PLA2R1: variants seen among roughly 807,000 people sequenced by gnomAD.
PLA2R1 encodes secretory phospholipase A2 receptor.
PLA2R1 carries 158 observed loss-of-function variants against 195.9 expected under a neutral mutation model. The observed-to-expected ratio is 0.81, with a 90% CI of 0.71 to 0.92. The LOEUF (loss-of-function observed/expected upper bound fraction) is 0.92. Among genes scored for constraint, PLA2R1 ranks in the 40% least tolerant of loss-of-function variants. PLA2R1 has a pLI of 0.00. For synonymous variants in PLA2R1, 586 were observed against 598.2 expected, an observed-to-expected ratio of 0.98 and a Z score of 0.30; for missense variants, 1,626 against 1,764.6, an observed-to-expected ratio of 0.92 and a Z score of 1.41.
chr2:160,052,839 T>C lies in PLA2R1; in HGVS notation c.110-7682A>G, dbSNP rs141256377. Among the ~76,000 whole-genome samples, 544 of 152,292 alleles carry C rather than the reference T, an allele frequency of 3.6e-3. 4 individuals are homozygous for C. Among genetic ancestry groups the C allele is most frequent in the African/African-American group, 0.012 (511 of 41,550 alleles). ...TTACTGAAAACAAAAGTGCTTACAA[T>C]GAGCTATCCATCTTAGCCGCCTTGG... On this transcript the variant is annotated intron_variant, in intron 1 of 29. Coordinates refer to ENST00000283243, the MANE Select transcript of PLA2R1 (RefSeq NM_007366.5).
At position 159,967,610 on chromosome 2, in the gene PLA2R1, T is replaced by G. The variant is rs1688871358; in HGVS notation, c.2833A>C (p.Ile945Leu). Reference sequence around the variant, plus strand: ...TTTGGTGTATCTTTCTTTTTCTCTATGAGCCAAACCTTTTTTCGCTTACAG... The same window carrying G: ...TTTGGTGTATCTTTCTTTTTCTCTAGGAGCCAAACCTTTTTTCGCTTACAG... ...SICKRKKVWL[I>L]EKKKDTPKQH... Residue 945 changes from isoleucine to leucine, a missense_variant, in exon 20 of 30, where the codon ATA becomes CTA. Coordinates refer to ENST00000283243, the MANE Select transcript of PLA2R1 (RefSeq NM_007366.5). The G allele has an allele frequency of 1.2e-6, 2 of 1,613,742 alleles. No homozygotes were observed. Among genetic ancestry groups the G allele is most frequent in the Non-Finnish European group, 1.7e-6 (2 of 1,179,680 alleles).
intron 11 of PLA2R1, 53 bp from the exon 12 acceptor site, chr2:159,987,411 C>T: frequency 1.6e-6 from 2 of 1,234,956 alleles, no homozygotes; most frequent in Non-Finnish European, 2.3e-6. Context: ...ACGTTTTGTG[C>T]TCAGAAGACT....
chr2:160,057,628 TCAGCACTTTGCTCATC>T (rs1449262226), intron 1 of PLA2R1, among the ~76,000 whole-genome samples: 3 of 152,238 alleles, frequency 2.0e-5, no homozygotes, highest in Non-Finnish European at 2.9e-5. Flanking sequence ...CTGCATGCCT[TCAGCACTTTGCTCATC>T]CCTGGTTATC....
chr2:159,998,634 T>G (rs1691388886), intron 11 of PLA2R1, among the ~76,000 whole-genome samples: 1 of 152,154 alleles, frequency 6.6e-6, no homozygotes, highest in African/African-American at 2.4e-5. Flanking sequence ...AAGCTGTAGT[T>G]TCAATGTCCT....
At chr2:159,983,468 T>C (rs576679504) in intron 13 of PLA2R1, among the ~76,000 whole-genome samples, 5 of 145,660 alleles carry the variant, frequency 3.4e-5, no homozygotes, top group South Asian at 4.3e-4. Flanking sequence ...TTTTTTTTTT[T>C]CCAAACAAAA....
intron 16 of PLA2R1, 56 bp from the exon 17 acceptor site, chr2:159,976,281 G>A (rs1173943652): frequency 6.2e-6 from 8 of 1,285,896 alleles, no homozygotes; most frequent in Non-Finnish European, 8.7e-6. Flanking sequence ...TGCTAGGATT[G>A]ACCCCAAATT....
intron 3 of PLA2R1, among the ~76,000 whole-genome samples, chr2:160,034,077 C>T (rs1239188765): frequency 6.6e-6 from 1 of 152,170 alleles, no homozygotes; most frequent in Non-Finnish European, 1.5e-5. Flanking sequence ...TCACAATGAA[C>T]ATTAGCATAT....
chr2:160,006,588 C>A lies in PLA2R1; in HGVS notation c.1665-767G>T, dbSNP rs1312583246. Among the ~76,000 whole-genome samples, 3 of 152,148 alleles carry A rather than the reference C, an allele frequency of 2.0e-5. No homozygotes were observed. In the South Asian group the frequency reaches 6.2e-4, roughly 32 times the overall value. ...CACATACATGCTTCCACATGCACACCTACTAAGAAAAACATGACTATTAAA... is the reference window on the plus strand; with the variant it reads ...CACATACATGCTTCCACATGCACACATACTAAGAAAAACATGACTATTAAA... On this transcript the variant is annotated intron_variant, in intron 10 of 29. Coordinates refer to ENST00000283243, the MANE Select transcript of PLA2R1 (RefSeq NM_007366.5).
chr2:159,998,420 A>C (rs1691374582), intron 11 of PLA2R1, among the ~76,000 whole-genome samples: 1 of 152,132 alleles, frequency 6.6e-6, no homozygotes, highest in African/African-American at 2.4e-5. Context: ...TAGAGCTGGA[A>C]TTTGAACTTT....
intron 1 of PLA2R1, among the ~76,000 whole-genome samples, chr2:160,059,113 C>G (rs62175519): frequency 0.16 from 24,370 of 152,044 alleles, 2,638 homozygotes; most frequent in Non-Finnish European, 0.25. Context: ...GGTTTATGCT[C>G]CTTTGAGAAT....
intron 6 of PLA2R1, among the ~76,000 whole-genome samples, chr2:160,023,600 T>C (rs902177066): frequency 3.3e-5 from 5 of 152,242 alleles, no homozygotes; most frequent in Non-Finnish European, 7.3e-5. Context: ...ACTGTAAGTG[T>C]AATCAGCTGA....
At position 159,976,348 on chromosome 2, in the gene PLA2R1, A is replaced by G. The variant is rs1056634891; in HGVS notation, c.2438-123T>C. ...TGTATACACACACACAGGAATTTGA[A>G]CACACACACACAGACACATATGCAC... On this transcript the variant is annotated intron_variant, in intron 16 of 29. Transcript: ENST00000283243. The G allele has an allele frequency of 9.4e-6, 5 of 530,646 alleles. No homozygotes were observed. The Admixed American group carries it at 1.8e-4, about 19-fold the overall frequency. The allele number at this position is 530,646 out of a possible 1,614,324, so 32.9% of individuals were successfully genotyped here. A position where few individuals can be genotyped will look rare whatever the true frequency, so the allele number is the denominator to read the frequency against.
chr2:160,001,791 A>G (rs1691613861), intron 11 of PLA2R1, among the ~76,000 whole-genome samples: 3 of 151,914 alleles, frequency 2.0e-5, no homozygotes, highest in African/African-American at 7.2e-5. Flanking sequence ...TGTTCCTAAT[A>G]AAACAGCCTA....
In PLA2R1 at chr2:159,940,832, C is replaced by T. The variant is rs1687051812; in HGVS notation, c.*946G>A. The T allele has an allele frequency of 6.6e-6, 1 of 152,172 alleles. No individual in the cohort carries two copies. Among genetic ancestry groups the T allele is most frequent in the African/African-American group, 2.4e-5 (1 of 41,438 alleles). The allele number at this position is 152,172 out of a possible 1,614,324, so 9.4% of individuals were successfully genotyped here. ...GATTACTAATTTATTTAGTACTTCT[C>T]AACAACATCTGTCTGGTTCTAATGA... On this transcript the variant is annotated 3_prime_UTR_variant, in exon 30 of 30. Coordinates refer to ENST00000283243, the MANE Select transcript of PLA2R1 (RefSeq NM_007366.5).
intron 20 of PLA2R1, among the ~76,000 whole-genome samples, chr2:159,966,199 A>G (rs1183994197): frequency 6.6e-6 from 1 of 152,226 alleles, no homozygotes; most frequent in African/African-American, 2.4e-5. Context: ...ATACAATGGA[A>G]TATTGTCCAA....
Position 159,946,784 on chromosome 2 carries a change from C to T in PLA2R1, c.3967+17G>A. ...CATGTATTTATTTATGTCCTCTCCT[C>T]TACCCAAATCACTTACTGTTACCAT... On this transcript the variant is annotated intron_variant, in intron 27 of 29. Coordinates refer to ENST00000283243, the MANE Select transcript of PLA2R1 (RefSeq NM_007366.5). 1 of 1,596,680 alleles carries T rather than the reference C, an allele frequency of 6.3e-7. No homozygotes were observed. Among genetic ancestry groups the T allele is most frequent in the African/African-American group, 1.4e-5 (1 of 73,748 alleles).
chr2:159,955,341 T>C lies in PLA2R1; in HGVS notation c.3159A>G (p.Pro1053=). 6.3e-7 allele frequency: 1 copy of C among 1,589,726 alleles called. No individual in the cohort carries two copies. The highest frequency in any genetic ancestry group is 8.6e-7 in the Non-Finnish European group (1 of 1,161,002). The change falls in exon 23 of 30, where the codon CCA becomes CCG. Residue 1053 remains proline, a synonymous_variant. Coordinates refer to ENST00000283243, the MANE Select transcript of PLA2R1 (RefSeq NM_007366.5). ...NWSPFDIINI[P]SHNTTEVQKH... ...TCTGAACTTCAGTGGTATTGTGACT[T>C]GGAATCTTTAAAATAATACACGTTA...
intron 11 of PLA2R1, among the ~76,000 whole-genome samples, chr2:159,992,511 AAG>A (rs1300309121): frequency 1.3e-5 from 2 of 148,900 alleles, no homozygotes; most frequent in African/African-American, 2.5e-5. Context: ...AAGGAAATAA[AAG>A]AGGATACAAA....
chr2:159,967,208 CATGCAT>C (rs1207004368), intron 20 of PLA2R1, among the ~76,000 whole-genome samples: 1 of 152,042 alleles, frequency 6.6e-6, no homozygotes, highest in Non-Finnish European at 1.5e-5. Context: ...CACACACACA[CATGCAT>C]ATGCACACAC....
Sources: allele counts gnomAD v4.1 joint callset (sites outside exome capture counted in the v4.1 genomes callset), GRCh38; gene constraint gnomAD v4.1.1; transcripts MANE v1.5; gene names NCBI Gene and HGNC (gene_info 2026-07-23, HGNC 2026-07-21).